Variants in MYO19 observed in about 807,000 individuals in gnomAD.
The protein encoded by MYO19 is myosin XIX.
Under a neutral mutation model 129.2 loss-of-function variants are expected in MYO19, and 132 were observed. The ratio of observed to expected loss-of-function variants is 1.02; its 90% CI spans 0.89 to 1.18. The LOEUF is 1.18. Ranked by LOEUF, MYO19 falls within the 50% of genes most tolerant of loss-of-function variation. MYO19 has a pLI of 0.00. For missense variants in MYO19, 1,210 were observed against 1,216.7 expected (o/e 0.99, Z 0.08); for synonymous variants, 531 against 477.2 (o/e 1.11, Z -1.47).
At chr17:36,504,180 C>T (rs1220196909) in intron 19 of MYO19, 160 bp from the exon 20 acceptor site, 3 of 523,946 alleles carry the variant, frequency 5.7e-6, no homozygotes, top group South Asian at 3.0e-5. Context: ...TGTGAGAAAT[C>T]GAGGGACCTT....
chr17:36,502,253 T>G (rs544416927), intron 21 of MYO19, among the ~76,000 whole-genome samples: 28 of 152,204 alleles, frequency 1.8e-4, no homozygotes, highest in Middle Eastern at 6.8e-3. Flanking sequence ...ACAACCCCCA[T>G]ATGAGGGCCT....
chr17:36,519,663 T>C (rs1020105418), intron 6 of MYO19, among the ~76,000 whole-genome samples: 2 of 150,880 alleles, frequency 1.3e-5, no homozygotes, highest in Non-Finnish European at 3.0e-5. Context: ...AGATTTTACA[T>C]CTGTGATGCT....
chr17:36,540,533 G>A (rs755744635), intron 2 of MYO19, among the ~76,000 whole-genome samples: 10 of 152,098 alleles, frequency 6.6e-5, no homozygotes, highest in Admixed American at 2.0e-4. Context: ...ACTTCGCCTG[G>A]CTAATTTTTG....
chr17:36,512,785 G>C (rs2072453393), intron 11 of MYO19: 1 of 1,286,952 alleles, frequency 7.8e-7, no homozygotes, highest in Non-Finnish European at 1.0e-6. Flanking sequence ...CTGCTCTAGA[G>C]GGTGAGGAAG....
At chr17:36,537,860 G>A (rs145509687), upstream of MYO19, 3 of 1,613,910 alleles carry the variant, frequency 1.9e-6, no homozygotes, top group Non-Finnish European at 2.5e-6. Context: ...CACTGCTGTT[G>A]ATTATTTTTC....
intron 24 of MYO19, chr17:36,498,873 A>G (rs1233242734): frequency 1.7e-6 from 1 of 593,942 alleles, no homozygotes; most frequent in East Asian, 2.8e-5. Flanking sequence ...AGTTGCTTAT[A>G]CCACTCTTCA....
At chr17:36,543,969 G>A (rs549384833), upstream of MYO19, among the ~76,000 whole-genome samples, 40 of 152,326 alleles carry the variant, frequency 2.6e-4, no homozygotes, top group African/African-American at 9.1e-4. Context: ...AGGAAATAGA[G>A]CAGTAAATTG....
Position 36,507,785 on chromosome 17 carries a change from G to A in MYO19, c.1353+18C>T, listed in dbSNP as rs56037528. 86,208 of 1,590,920 alleles carry A rather than the reference G, an allele frequency of 0.054. 2,921 individuals carry two copies. Among genetic ancestry groups the A allele is most frequent in the East Asian group, 0.16 (6,922 of 44,404 alleles). On this transcript the variant is annotated intron_variant, in intron 15 of 25. Coordinates refer to ENST00000614623, the MANE Select transcript of MYO19 (RefSeq NM_001163735.2). The stretch of plus-strand genomic sequence containing the variant: ...GATCCAAAAGAAGGACCTGCCTCCT[G>A]CTCACCCCATCCCTCACCTGCTGGG...
At chr17:36,500,527 G>GA (rs1157388010) in intron 23 of MYO19, 3 of 361,332 alleles carry the variant, frequency 8.3e-6, no homozygotes, top group African/African-American at 4.0e-5. Context: ...GTCATAAAGG[G>GA]AAAAAAAGTT....
upstream of MYO19, chr17:36,538,412 T>C (rs758414062): frequency 3.1e-6 from 5 of 1,614,184 alleles, no homozygotes; most frequent in Middle Eastern, 1.6e-4. Context: ...TGGAACCCAG[T>C]CTTTGTTTAA....
Position 36,515,915 on chromosome 17 carries a change from T to C in MYO19, c.490A>G (p.Ile164Val). 1.2e-6 allele frequency: 2 copies of C among 1,613,868 alleles called. No individual in the cohort carries two copies. The highest frequency in any genetic ancestry group is 1.7e-6 in the Non-Finnish European group (2 of 1,179,822). Reference protein sequence around the residue: ...TSPASWESHKIAERIEQRILN... With the variant: ...TSPASWESHKVAERIEQRILN... ...ATCCTCTGTTCTATCCTCTCTGCAA[T>C]CTTGTGGCTCTCCCAAGATGCAGGT... is the stretch of plus-strand genomic sequence containing the variant. The change falls in exon 7 of 26, where the codon ATT becomes GTT. Residue 164 changes from isoleucine to valine, a missense_variant. By Grantham distance (29) the Ile-to-Val change is conservative. Coordinates refer to ENST00000614623, the MANE Select transcript of MYO19 (RefSeq NM_001163735.2).
intron 1 of MYO19, 63 bp downstream of exon 1, chr17:36,534,698 C>A (rs1273780060): frequency 6.6e-6 from 1 of 152,478 alleles, no homozygotes; most frequent in Non-Finnish European, 1.5e-5. Context: ...GCGGGGCAAA[C>A]TGGCCTCCCA....
intron 11 of MYO19, among the ~76,000 whole-genome samples, chr17:36,512,326 T>C (rs907117898): frequency 6.8e-6 from 1 of 146,748 alleles, no homozygotes; most frequent in African/African-American, 2.6e-5. Flanking sequence ...GAAGAGGAGG[T>C]TGCAGTGAGC....
intron 6 of MYO19, among the ~76,000 whole-genome samples, chr17:36,522,028 T>TAA (rs370448301): frequency 2.6e-5 from 3 of 115,296 alleles, no homozygotes; most frequent in South Asian, 2.8e-4. Flanking sequence ...AGACTGTCTT[T>TAA]AAAAAAAAAA....
chr17:36,507,650 T>G (rs2072011209), intron 15 of MYO19, 138 bp from the exon 16 acceptor site: 6 of 1,267,516 alleles, frequency 4.7e-6, no homozygotes, highest in Non-Finnish European at 5.5e-6. Context: ...AACATTACAT[T>G]GTACTCCATA....
intron 19 of MYO19, chr17:36,504,479 G>T (rs2071744346): frequency 6.3e-6 from 1 of 158,266 alleles, no homozygotes; most frequent in Non-Finnish European, 1.4e-5. Context: ...AGTTGTCCTG[G>T]CTACAAACCG....
At chr17:36,503,506 C>T (rs2071675088) in intron 20 of MYO19, among the ~76,000 whole-genome samples, 1 of 152,346 alleles carries the variant, frequency 6.6e-6, no homozygotes, top group East Asian at 1.9e-4. Flanking sequence ...GCTGACAGGC[C>T]TCTCCCCAAA....
upstream of MYO19, chr17:36,538,288 G>A: frequency 6.2e-7 from 1 of 1,613,234 alleles, no homozygotes; most frequent in South Asian, 1.1e-5. Context: ...ATAATTTTGA[G>A]TTTTGCCAAA....
chr17:36,511,115 C>G (rs2072293347), intron 12 of MYO19, 198 bp from the exon 13 acceptor site: 1 of 675,048 alleles, frequency 1.5e-6, no homozygotes, highest in African/African-American at 1.8e-5. Context: ...ATGTACCAGT[C>G]CATGCTGCCA....
Sources: gnomAD v4.1 joint callset for allele counts (sites outside exome capture counted in the v4.1 genomes callset) on GRCh38, gnomAD v4.1.1 for gene constraint, MANE v1.5 for transcripts, NCBI Gene and HGNC (gene_info 2026-07-23, HGNC 2026-07-21) for gene names.